Variants in CD2AP observed in about 807,000 individuals in gnomAD.
CD2AP encodes CD2 associated protein, also known as CD2-associated protein.
Under a neutral mutation model 85.1 loss-of-function variants are expected in CD2AP, and 46 were observed. The ratio of observed to expected loss-of-function variants is 0.54; its 90% CI spans 0.43 to 0.69. The LOEUF is 0.69. CD2AP is among the 30% of genes least tolerant of loss of function. CD2AP has a pLI of 0.00. For synonymous variants in CD2AP, 255 were observed against 252.9 expected, an observed-to-expected ratio of 1.01 and a Z score of -0.08; for missense variants, 769 against 729.5, an observed-to-expected ratio of 1.05 and a Z score of -0.62.
chr6:47,481,342 TTTTG>T (rs1206647056), intron 1 of CD2AP, among the ~76,000 whole-genome samples: 5 of 152,112 alleles, frequency 3.3e-5, no homozygotes, highest in East Asian at 3.8e-4. Flanking sequence ...GGTGGTGTTT[TTTTG>T]TTTGTTTGTT....
In CD2AP at chr6:47,609,316, T is replaced by G. The variant is rs781406571; in HGVS notation, c.1814+12T>G. 1.2e-6 allele frequency: 2 copies of G among 1,603,620 alleles called. No homozygotes were observed. Among genetic ancestry groups the G allele is most frequent in the East Asian group, 4.5e-5 (2 of 44,806 alleles). ...AAAAAGGATCACGGGTAAGTAGCCC[T>G]TCTTTTCTCCTGTGAGTACTACTTA... On this transcript the variant is annotated intron_variant, in intron 16 of 17. Coordinates refer to ENST00000359314, the MANE Select transcript of CD2AP (RefSeq NM_012120.3).
At chr6:47,526,319 C>T (rs1766727096) in intron 2 of CD2AP, among the ~76,000 whole-genome samples, 1 of 152,048 alleles carries the variant, frequency 6.6e-6, no homozygotes, top group African/African-American at 2.4e-5. Flanking sequence ...TGGTGGACCT[C>T]ACAGCAAACT....
At chr6:47,567,616 T>A (rs1383092857) in intron 5 of CD2AP, among the ~76,000 whole-genome samples, 8 of 152,078 alleles carry the variant, frequency 5.3e-5, no homozygotes, top group African/African-American at 1.7e-4. Flanking sequence ...TGGCAAGCTG[T>A]GAAGGAATGT....
intron 5 of CD2AP, among the ~76,000 whole-genome samples, chr6:47,570,388 A>C (rs1768115958): frequency 6.6e-6 from 1 of 152,202 alleles, no homozygotes; most frequent in Non-Finnish European, 1.5e-5. Flanking sequence ...TTCTTCAAGC[A>C]TAGCAATTCA....
At chr6:47,582,744 C>T (rs931027349) in intron 11 of CD2AP, among the ~76,000 whole-genome samples, 1 of 151,572 alleles carries the variant, frequency 6.6e-6, no homozygotes, top group African/African-American at 2.4e-5. Context: ...TTTTCTGGCT[C>T]ATACTTCATG....
chr6:47,608,091 AGGGAAT>A, intron 15 of CD2AP, 63 bp downstream of exon 15: 1 of 1,064,108 alleles, frequency 9.4e-7, no homozygotes, highest in East Asian at 2.4e-5. Flanking sequence ...CATCAAACAT[AGGGAAT>A]TTAAGGTGTT....
In CD2AP at chr6:47,609,203, T is replaced by A. The variant is rs1198443366; in HGVS notation, c.1713T>A (p.Ala571=). ...TAFLTPLEIK[A]KVETDDVKKN... is the part of the protein sequence containing the mutation. ...TCCTGACTCCATTAGAAATCAAAGCTAAAGTGGAAACAGATGATGTGAAAA... is the reference window on the plus strand; with the variant it reads ...TCCTGACTCCATTAGAAATCAAAGCAAAAGTGGAAACAGATGATGTGAAAA... The change falls in exon 16 of 18, where the codon GCT becomes GCA. Residue 571 remains alanine (A), a synonymous_variant. Coordinates refer to ENST00000359314, the MANE Select transcript of CD2AP (RefSeq NM_012120.3). 1.2e-6 allele frequency: 2 copies of A among 1,613,300 alleles called. No individual in the cohort carries two copies. Among genetic ancestry groups the A allele is most frequent in the Non-Finnish European group, 1.7e-6 (2 of 1,179,482 alleles).
At position 47,533,762 on chromosome 6, in the gene CD2AP, A is replaced by G. The variant is rs1423504145; in HGVS notation, c.319+7A>G. On this transcript the variant is annotated splice_region_variant and intron_variant, in intron 3 of 17. Transcript: ENST00000359314. The stretch of plus-strand genomic sequence containing the variant: ...ACCAAAAACATTAAGAAGAGTATGT[A>G]AATAATTCCTTTCCTGCATAATTAC... 6.2e-7 allele frequency: 1 copy of G among 1,613,318 alleles called. No homozygotes were observed. Among genetic ancestry groups the G allele is most frequent in the South Asian group, 1.1e-5 (1 of 90,946 alleles).
chr6:47,501,532 G>C (rs1351884055), intron 1 of CD2AP, among the ~76,000 whole-genome samples: 3 of 152,118 alleles, frequency 2.0e-5, no homozygotes, highest in African/African-American at 7.2e-5. Flanking sequence ...CAGAATTAAG[G>C]TTCTATGAGA....
chr6:47,535,741 G>A (rs547110846), intron 3 of CD2AP, among the ~76,000 whole-genome samples: 39 of 152,318 alleles, frequency 2.6e-4, no homozygotes, highest in Admixed American at 2.1e-3. Context: ...ACAAATAACA[G>A]TTTTATATCA....
At chr6:47,521,203 T>C (rs958472470) in intron 2 of CD2AP, among the ~76,000 whole-genome samples, 2 of 152,134 alleles carry the variant, frequency 1.3e-5, no homozygotes, top group Admixed American at 6.5e-5. Context: ...TGCTCATAAG[T>C]AAGGTTTTTA....
chr6:47,622,263 C>T (rs1769767050), intron 17 of CD2AP, among the ~76,000 whole-genome samples: 1 of 152,212 alleles, frequency 6.6e-6, no homozygotes, highest in South Asian at 2.1e-4. Flanking sequence ...AGGCTACCTG[C>T]CTTCTAGCTG....
chr6:47,586,204 T>G (rs1397033463), intron 11 of CD2AP, among the ~76,000 whole-genome samples: 4 of 152,056 alleles, frequency 2.6e-5, no homozygotes, highest in African/African-American at 9.7e-5. Context: ...AACATTACAG[T>G]GCAAAAACTG....
intron 2 of CD2AP, among the ~76,000 whole-genome samples, chr6:47,512,963 T>A (rs1055487207): frequency 4.6e-5 from 7 of 152,248 alleles, no homozygotes; most frequent in African/African-American, 1.7e-4. Context: ...TTGCATCTGT[T>A]ACAAATGGGT....
chr6:47,528,205 C>T (rs1402722514), intron 2 of CD2AP, among the ~76,000 whole-genome samples: 1 of 152,176 alleles, frequency 6.6e-6, no homozygotes, highest in Non-Finnish European at 1.5e-5. Flanking sequence ...GACAGAGTCT[C>T]TTTCTGTCAC....
Position 47,477,920 on chromosome 6 carries a change from G to A in CD2AP, c.-325G>A. ...GAGCCGAGGGTCTGGGCAAACCGGT[G>A]GGTCCCTCCCCACTGCGGGAGCGGC... On this transcript the variant is annotated 5_prime_UTR_variant, in exon 1 of 18. Coordinates refer to ENST00000359314, the MANE Select transcript of CD2AP (RefSeq NM_012120.3). 2.1e-6 allele frequency: 1 copy of A among 473,928 alleles called. No individual in the cohort carries two copies. The highest frequency in any genetic ancestry group is 3.8e-6 in the Non-Finnish European group (1 of 265,002). The allele number at this position is 473,928 out of a possible 1,614,324, so 29.4% of individuals were successfully genotyped here.
chr6:47,626,270 C>A lies in CD2AP; in HGVS notation c.*2043C>A, dbSNP rs2114172084. 1.3e-5 allele frequency: 2 copies of A among 152,054 alleles called. No individual in the cohort carries two copies. Among genetic ancestry groups the A allele is most frequent in the Admixed American group, 1.3e-4 (2 of 15,268 alleles). 9.4% of individuals were successfully genotyped at this position (152,054 alleles called of 1,614,324 possible). On this transcript the variant is annotated 3_prime_UTR_variant, in exon 18 of 18. Coordinates refer to ENST00000359314, the MANE Select transcript of CD2AP (RefSeq NM_012120.3). ...TAGAAAAGTAACTGAAATACTTTTA[C>A]CTTTCTGTCCTTGATAAAATAGTAA...
intron 1 of CD2AP, among the ~76,000 whole-genome samples, chr6:47,489,348 A>AT (rs1765664409): frequency 6.6e-6 from 1 of 151,410 alleles, no homozygotes; most frequent in African/African-American, 2.4e-5. Context: ...TTGTATTATT[A>AT]TTTTTTTAGT....
At chr6:47,597,792 G>A (rs896386801) in intron 12 of CD2AP, among the ~76,000 whole-genome samples, 1 of 68,236 alleles carries the variant, frequency 1.5e-5, no homozygotes, top group African/African-American at 3.8e-5. Context: ...TACTGGTGTC[G>A]TGGAGTTTGG....
Sources: allele counts gnomAD v4.1 joint callset (sites outside exome capture counted in the v4.1 genomes callset), GRCh38; gene constraint gnomAD v4.1.1; transcripts MANE v1.5; gene names NCBI Gene and HGNC (gene_info 2026-07-23, HGNC 2026-07-21).